The following CABLES1 variants were observed in gnomAD, a reference collection of about 807,000 sequenced individuals.
CABLES1 encodes Cdk5 and Abl enzyme substrate 1.
CABLES1 carries 36 observed loss-of-function variants against 57.8 expected under a neutral mutation model. The ratio of observed to expected loss-of-function variants is 0.62; its 90% CI spans 0.48 to 0.82. CABLES1 has a LOEUF of 0.82. Among genes scored for constraint, CABLES1 ranks in the 40% least tolerant of loss-of-function variants. The pLI, the probability that CABLES1 is intolerant of heterozygous loss-of-function variation, is 0.00. For missense variants in CABLES1, 767 were observed against 836.6 expected (o/e 0.92, Z 1.03); for synonymous variants, 374 against 363.0 (o/e 1.03, Z -0.35).
chr18:23,248,683 G>A (rs1316356935), intron 7 of CABLES1, among the ~76,000 whole-genome samples: 1 of 151,996 alleles, frequency 6.6e-6, no homozygotes, highest in African/African-American at 2.4e-5. Context: ...CAGCTGGGTG[G>A]GTGTGGTGGC....
rs949315885 is a variant in CABLES1, at chr18:23,140,585, C to T, written c.845+3978C>T. Among the ~76,000 whole-genome samples, 14 of 152,064 alleles carry T rather than the reference C, an allele frequency of 9.2e-5. No homozygotes were observed. The East Asian group carries it at 1.9e-3, about 21-fold the overall frequency. ...CCGAGTAACTGGGACTACAGGCGTG[C>T]GCCACCACGCCTGGCTGATTTTGGT... is the stretch of plus-strand genomic sequence containing the variant. On this transcript the variant is annotated intron_variant, in intron 1 of 9. Transcript: ENST00000256925.
At chr18:23,155,665 A>G (rs1432579067) in intron 1 of CABLES1, among the ~76,000 whole-genome samples, 1 of 152,146 alleles carries the variant, frequency 6.6e-6, no homozygotes, top group African/African-American at 2.4e-5. Context: ...GAGAAACACA[A>G]GGGTATTTCT....
intron 1 of CABLES1, among the ~76,000 whole-genome samples, chr18:23,184,308 CGTGT>C (rs61158856): frequency 0.019 from 2,822 of 146,364 alleles, 61 homozygotes; most frequent in East Asian, 0.099. Context: ...CATACTGGCA[CGTGT>C]GTGTGTGTGT....
intron 1 of CABLES1, among the ~76,000 whole-genome samples, chr18:23,176,929 A>T (rs1461380994): frequency 2.6e-5 from 4 of 152,016 alleles, no homozygotes; most frequent in Non-Finnish European, 5.9e-5. Flanking sequence ...AGGGTCCGGT[A>T]AACACCAGCT....
At chr18:23,230,411 T>G (rs1342488125) in intron 4 of CABLES1, among the ~76,000 whole-genome samples, 3 of 152,166 alleles carry the variant, frequency 2.0e-5, no homozygotes, top group African/African-American at 7.2e-5. Context: ...ACTGACATTG[T>G]TAGAAATGAG....
chr18:23,136,899 G>A (rs1042714926), intron 1 of CABLES1, among the ~76,000 whole-genome samples: 4 of 152,198 alleles, frequency 2.6e-5, no homozygotes, highest in Non-Finnish European at 5.9e-5. Context: ...AGCGGCGTCC[G>A]AGCCTCCCCA....
intron 1 of CABLES1, among the ~76,000 whole-genome samples, chr18:23,185,218 G>C (rs1282975017): frequency 1.3e-5 from 2 of 152,162 alleles, no homozygotes; most frequent in Admixed American, 1.3e-4. Context: ...TGGGTCGTGT[G>C]CTTTTGTGGA....
intron 1 of CABLES1, among the ~76,000 whole-genome samples, chr18:23,167,005 A>G (rs892398816): frequency 1.4e-4 from 22 of 152,156 alleles, no homozygotes; most frequent in African/African-American, 5.3e-4. Flanking sequence ...CAAGGAGTGG[A>G]AGCCAGCTCT....
At chr18:23,244,800 T>C (rs1377778517) in intron 7 of CABLES1, among the ~76,000 whole-genome samples, 3 of 152,218 alleles carry the variant, frequency 2.0e-5, no homozygotes, top group Non-Finnish European at 4.4e-5. Flanking sequence ...GTCTTACAGC[T>C]AGCTCCTGGG....
At chr18:23,144,962 G>A (rs1417538211) in intron 1 of CABLES1, among the ~76,000 whole-genome samples, 1 of 148,598 alleles carries the variant, frequency 6.7e-6, no homozygotes, top group African/African-American at 2.5e-5. Context: ...TTGAGACGGA[G>A]CCTCACTCTG....
chr18:23,143,832 C>G (rs909377370), intron 1 of CABLES1, among the ~76,000 whole-genome samples: 1 of 152,184 alleles, frequency 6.6e-6, no homozygotes, highest in African/African-American at 2.4e-5. Context: ...CAATCCCTCC[C>G]CCCCTGGGCT....
At chr18:23,223,066 A>G (rs565669105) in intron 4 of CABLES1, among the ~76,000 whole-genome samples, 1 of 152,276 alleles carries the variant, frequency 6.6e-6, no homozygotes, top group East Asian at 1.9e-4. Flanking sequence ...TGTTAAGCCC[A>G]AGGATGCCAA....
In CABLES1 at chr18:23,257,298, G is replaced by A. The variant is rs2048191904; in HGVS notation, c.1833G>A (p.Leu611=). 3 of 1,613,974 alleles carry A rather than the reference G, an allele frequency of 1.9e-6. No homozygotes were observed. The highest frequency in any genetic ancestry group is 2.5e-6 in the Non-Finnish European group (3 of 1,179,978). ...IAFEFPVLVA[L]EFALHLPEHE... is the part of the protein sequence containing the mutation. ...TTGAATTCCCGGTGTTAGTGGCCTTGGAATTCGCCCTCCACTTGCCCGAGC... is the reference window on the plus strand; with the variant it reads ...TTGAATTCCCGGTGTTAGTGGCCTTAGAATTCGCCCTCCACTTGCCCGAGC... The change falls in exon 10 of 10, where the codon TTG becomes TTA. Residue 611 remains leucine, a synonymous_variant. Coordinates refer to ENST00000256925, the MANE Select transcript of CABLES1 (RefSeq NM_001100619.3).
chr18:23,155,970 C>T (rs752817320), intron 1 of CABLES1: 11 of 1,613,976 alleles, frequency 6.8e-6, no homozygotes, highest in African/African-American at 4.0e-5. Flanking sequence ...GTCAGAGGAT[C>T]GCCTGGGTGA....
At chr18:23,140,515 C>T (rs1407012756) in intron 1 of CABLES1, among the ~76,000 whole-genome samples, 1 of 151,378 alleles carries the variant, frequency 6.6e-6, no homozygotes, top group Non-Finnish European at 1.5e-5. Context: ...CGGCTCACGG[C>T]AACCTCTGCC....
chr18:23,164,854 C>G (rs1598806766), intron 1 of CABLES1, among the ~76,000 whole-genome samples: 2 of 152,258 alleles, frequency 1.3e-5, no homozygotes, highest in South Asian at 4.1e-4. Flanking sequence ...TCACTGCAAC[C>G]TCTGCCTCCT....
chr18:23,136,691 C>T (rs1453517318), intron 1 of CABLES1, 84 bp downstream of exon 1: 2 of 911,226 alleles, frequency 2.2e-6, no homozygotes, highest in Non-Finnish European at 3.0e-6. Context: ...GGCTACGGGA[C>T]ACGGGTTGCT....
chr18:23,250,531 A>G (rs2048012788), intron 7 of CABLES1, among the ~76,000 whole-genome samples: 1 of 152,156 alleles, frequency 6.6e-6, no homozygotes, highest in South Asian at 2.1e-4. Flanking sequence ...TTTGTTGGAG[A>G]TGAAATAGAG....
At chr18:23,243,291 G>A (rs1198877897) in intron 7 of CABLES1, among the ~76,000 whole-genome samples, 1 of 151,832 alleles carries the variant, frequency 6.6e-6, no homozygotes, top group Non-Finnish European at 1.5e-5. Flanking sequence ...CAGTAGCTCC[G>A]CACTTCCCTA....
Sources: allele counts gnomAD v4.1 joint callset (sites outside exome capture counted in the v4.1 genomes callset), GRCh38; gene constraint gnomAD v4.1.1; transcripts MANE v1.5; gene names NCBI Gene and HGNC (gene_info 2026-07-23, HGNC 2026-07-21).